Variants in ITGA9 observed in about 807,000 individuals in gnomAD.
ITGA9 encodes integrin alpha-9.
Under a neutral mutation model 127.8 loss-of-function variants are expected in ITGA9, and 56 were observed. That is an observed-to-expected ratio of 0.44 (90% CI 0.35 to 0.55). ITGA9 has a LOEUF of 0.55. ITGA9 is among the 20% of genes least tolerant of loss of function. The pLI, the probability that ITGA9 is intolerant of heterozygous loss-of-function variation, is 0.00. For synonymous variants in ITGA9, 508 were observed against 514.5 expected (o/e 0.99, Z 0.17); for missense variants, 1,196 against 1,347.1 (o/e 0.89, Z 1.76).
intron 15 of ITGA9, among the ~76,000 whole-genome samples, chr3:37,572,990 C>T (rs939930790): frequency 1.3e-4 from 20 of 152,232 alleles, no homozygotes; most frequent in Non-Finnish European, 1.9e-4. Flanking sequence ...TCTGGCCTCA[C>T]ACTTCACTTA....
intron 15 of ITGA9, among the ~76,000 whole-genome samples, chr3:37,578,333 G>A (rs1203486363): frequency 4.6e-5 from 7 of 152,160 alleles, no homozygotes; most frequent in African/African-American, 1.7e-4. Flanking sequence ...GGCCAGTGTG[G>A]GGTAAGGGGT....
chr3:37,587,532 C>T (rs1699770597), intron 15 of ITGA9, among the ~76,000 whole-genome samples: 2 of 152,130 alleles, frequency 1.3e-5, no homozygotes, highest in African/African-American at 2.4e-5. Context: ...AACCCACCCA[C>T]CCATTCACCA....
intron 16 of ITGA9, among the ~76,000 whole-genome samples, chr3:37,638,482 A>G (rs369006148): frequency 4.7e-5 from 7 of 150,534 alleles, no homozygotes; most frequent in East Asian, 3.9e-4. Flanking sequence ...ATAATCTTCC[A>G]GATGTTGGCT....
At chr3:37,772,864 A>G (rs989265971) in intron 23 of ITGA9, among the ~76,000 whole-genome samples, 1 of 152,058 alleles carries the variant, frequency 6.6e-6, no homozygotes, top group African/African-American at 2.4e-5. Context: ...TCCAGATCCC[A>G]CCAGGGGCAG....
intron 14 of ITGA9, among the ~76,000 whole-genome samples, chr3:37,535,323 C>G (rs1282060266): frequency 4.6e-5 from 7 of 152,220 alleles, no homozygotes; most frequent in African/African-American, 1.7e-4. Context: ...AACCAAGATG[C>G]AAGTTAGAGC....
At chr3:37,803,580 T>C (rs2125562346) in intron 26 of ITGA9, among the ~76,000 whole-genome samples, 1 of 151,804 alleles carries the variant, frequency 6.6e-6, no homozygotes, top group Admixed American at 6.6e-5. Context: ...AGGTCAGGAG[T>C]TCGAGACCAG....
chr3:37,781,260 A>G (rs1383921811), intron 25 of ITGA9, among the ~76,000 whole-genome samples: 2 of 152,212 alleles, frequency 1.3e-5, no homozygotes, highest in Admixed American at 6.5e-5. Context: ...AAGGTTGGCT[A>G]ACCTTTTCTG....
chr3:37,776,292 T>G (rs567446804), intron 23 of ITGA9, among the ~76,000 whole-genome samples: 11 of 152,170 alleles, frequency 7.2e-5, no homozygotes, highest in Non-Finnish European at 1.5e-4. Flanking sequence ...GACACAAGTT[T>G]ACCTATATAA....
At chr3:37,691,597 C>CGT in intron 18 of ITGA9, among the ~76,000 whole-genome samples, 1 of 152,166 alleles carries the variant, frequency 6.6e-6, no homozygotes, top group Non-Finnish European at 1.5e-5. Context: ...CCAAACAAAA[C>CGT]ATGTCCAGTG....
rs2125558802 is a variant in ITGA9, at chr3:37,481,507, C to T, written c.444C>T (p.Asn148=). The change falls in exon 4 of 28, where the codon AAC becomes AAT. Residue 148 remains asparagine (N), a synonymous_variant. Coordinates refer to ENST00000264741, the MANE Select transcript of ITGA9 (RefSeq NM_002207.3). The part of the protein sequence containing the change: ...RVLACAHRWK[N]IYYEADHILP... ...AGGCCTGTGCTCATCGCTGGAAGAA[C>T]ATCTACTATGAAGCCGACCACATCC... is the stretch of plus-strand genomic sequence containing the variant. 1.2e-6 allele frequency: 2 copies of T among 1,614,224 alleles called. No homozygotes were observed. The highest frequency in any genetic ancestry group is 1.7e-6 in the Non-Finnish European group (2 of 1,180,038).
chr3:37,702,784 G>A (rs141583166), intron 18 of ITGA9, among the ~76,000 whole-genome samples: 45 of 152,102 alleles, frequency 3.0e-4, no homozygotes, highest in African/African-American at 1.1e-3. Flanking sequence ...GTAATCTCAG[G>A]GTGCCTCCTT....
In ITGA9 at chr3:37,597,341, A is replaced by T. The variant is rs9840861; in HGVS notation, c.1690-31846A>T. On this transcript the variant is annotated intron_variant, in intron 15 of 27. Coordinates refer to ENST00000264741, the MANE Select transcript of ITGA9 (RefSeq NM_002207.3). This position sits in a 1 kb window ranked among gnomAD's most constrained non-coding sequence, Gnocchi z 4.6. ...TAAGGGTGTGCAAGAGAGTGCAATC[A>T]GTATTGCATTTCAGCAGATCAGCCA... is the stretch of plus-strand genomic sequence containing the variant. 0.039 allele frequency among the ~76,000 whole-genome samples: 5,983 copies of T among 152,232 alleles called. 384 individuals are homozygous for T. The highest frequency in any genetic ancestry group is 0.13 in the African/African-American group (5,574 of 41,514).
At position 37,565,855 on chromosome 3, in the gene ITGA9, T is replaced by C. The variant is rs187045140; in HGVS notation, c.1689+23270T>C. Among the ~76,000 whole-genome samples the C allele has an allele frequency of 3.3e-5, 5 of 152,268 alleles. No homozygotes were observed. In the East Asian group the frequency reaches 9.6e-4, roughly 29 times the overall value. On this transcript the variant is annotated intron_variant, in intron 15 of 27. Coordinates refer to ENST00000264741, the MANE Select transcript of ITGA9 (RefSeq NM_002207.3). ...CAGTGTGGAACCCTTGCTGACTGGG[T>C]TGGGAGTGACGTTGGGAACTGTTTC...
intron 15 of ITGA9, among the ~76,000 whole-genome samples, chr3:37,575,523 A>G (rs566828383): frequency 2.9e-4 from 44 of 152,276 alleles, no homozygotes; most frequent in African/African-American, 9.6e-4. Context: ...AGTCCTCACC[A>G]CAGCCCTGGG....
chr3:37,600,469 T>C (rs2125620294), intron 15 of ITGA9, among the ~76,000 whole-genome samples: 1 of 152,240 alleles, frequency 6.6e-6, no homozygotes, highest in Middle Eastern at 3.4e-3. Context: ...ACATACTCTT[T>C]GTTTTTCCAT....
At chr3:37,668,493 T>A (rs1559562681) in intron 17 of ITGA9, among the ~76,000 whole-genome samples, 1 of 152,172 alleles carries the variant, frequency 6.6e-6, no homozygotes, top group Non-Finnish European at 1.5e-5. Context: ...CCCGAATCCC[T>A]CCCTTCTCTC....
intron 13 of ITGA9, among the ~76,000 whole-genome samples, chr3:37,529,840 G>T (rs1005264921): frequency 6.6e-6 from 1 of 152,198 alleles, no homozygotes; most frequent in Non-Finnish European, 1.5e-5. Flanking sequence ...TGGTACATGG[G>T]CTGGGGGCGA....
Position 37,520,233 on chromosome 3 carries a change from C to T in ITGA9, c.1236+879C>T, listed in dbSNP as rs538022160. Among the ~76,000 whole-genome samples, 68 of 152,192 alleles carry T rather than the reference C, an allele frequency of 4.5e-4. 1 individual carries two copies. Among genetic ancestry groups the T allele is most frequent in the African/African-American group, 1.5e-3 (63 of 41,508 alleles). On this transcript the variant is annotated intron_variant, in intron 11 of 27. Transcript: ENST00000264741. ...TTGGTTGTCATTCGTGCCTCAGATC[C>T]CCTCTCTACTGGCCTCCTGCTGAGC...
intron 14 of ITGA9, among the ~76,000 whole-genome samples, chr3:37,536,590 TAC>T (rs1699210545): frequency 6.6e-6 from 1 of 152,232 alleles, no homozygotes; most frequent in Non-Finnish European, 1.5e-5. Flanking sequence ...CAAGCCTATG[TAC>T]AGAGAAGGGA....
Sources: gnomAD v4.1 joint callset for allele counts (sites outside exome capture counted in the v4.1 genomes callset) on GRCh38, gnomAD v4.1.1 for gene constraint, Gnocchi (gnomAD v3.1) non-coding constraint, MANE v1.5 for transcripts, NCBI Gene and HGNC (gene_info 2026-07-23, HGNC 2026-07-21) for gene names.